LRRC55: variants seen among roughly 807,000 people sequenced by gnomAD.
LRRC55 encodes leucine rich repeat containing 55.
A neutral mutation model predicts 20.5 loss-of-function variants in LRRC55; 11 were observed. The observed-to-expected ratio is 0.54, with a 90% confidence interval of 0.34 to 0.89. LRRC55 has a LOEUF of 0.89. LRRC55 is among the 40% of genes least tolerant of loss of function. LRRC55 has a pLI of 0.02. For missense variants in LRRC55, 358 were observed against 390.9 expected, an observed-to-expected ratio of 0.92 and a Z score of 0.71; for synonymous variants, 188 against 166.6, an observed-to-expected ratio of 1.13 and a Z score of -0.99.
Position 57,188,980 on chromosome 11 carries a change from T to C in LRRC55, c.*1500T>C, listed in dbSNP as rs1387347306. On this transcript the variant is annotated 3_prime_UTR_variant, in exon 2 of 2. Coordinates refer to ENST00000497933, the MANE Select transcript of LRRC55 (RefSeq NM_001005210.4). ...GGTAGGCAGCTCCATTCAGGGAAAC[T>C]GCATCTAATCAGTCAGTCAAAAATC... The C allele has an allele frequency of 6.6e-6, 1 of 152,248 alleles. No homozygotes were observed. Among genetic ancestry groups the C allele is most frequent in the Non-Finnish European group, 1.5e-5 (1 of 68,048 alleles). The allele number at this position is 152,248 out of a possible 1,614,324, so 9.4% of individuals were successfully genotyped here. A position where few individuals can be genotyped will look rare whatever the true frequency, so the allele number is the denominator to read the frequency against.
chr11:57,184,681 T>C (rs1369297644), intron 1 of LRRC55, among the ~76,000 whole-genome samples: 1 of 152,160 alleles, frequency 6.6e-6, no homozygotes, highest in East Asian at 1.9e-4. Context: ...CCATGGTTTT[T>C]GGAAAAATTG....
Position 57,187,696 on chromosome 11 carries a change from C to A in LRRC55, c.*216C>A. Reference sequence around the variant, plus strand: ...GATGAACTGACTCAGTCCCTGCCCTCAAGGCACTTCCCTCTGGTCAAGGAG... The same window carrying A: ...GATGAACTGACTCAGTCCCTGCCCTAAAGGCACTTCCCTCTGGTCAAGGAG... On this transcript the variant is annotated 3_prime_UTR_variant, in exon 2 of 2. Transcript: ENST00000497933. 1 of 612,248 alleles carries A rather than the reference C, an allele frequency of 1.6e-6. No homozygotes were observed. Among genetic ancestry groups the A allele is most frequent in the Non-Finnish European group, 2.9e-6 (1 of 346,304 alleles). 37.9% of individuals were successfully genotyped at this position (612,248 alleles called of 1,614,324 possible). A position where few individuals can be genotyped will look rare whatever the true frequency, so the allele number is the denominator to read the frequency against.
rs1854492626 is a variant in LRRC55 at position 57,190,371 on chromosome 11, A to G, written c.*2891A>G. ...CCTGCTGCTAGAAGTTCCTCAGTTT[A>G]CTAGAGCACAATGAGGAAAGTATTC... On this transcript the variant is annotated 3_prime_UTR_variant, in exon 2 of 2. Transcript: ENST00000497933. The G allele has an allele frequency of 6.6e-6, 1 of 152,204 alleles. No homozygotes were observed. Among genetic ancestry groups the G allele is most frequent in the South Asian group, 2.1e-4 (1 of 4,830 alleles). The allele number at this position is 152,204 out of a possible 1,614,324, so 9.4% of individuals were successfully genotyped here.
rs1854502750 is a variant in LRRC55 at position 57,191,018 on chromosome 11, G to C, written c.*3538G>C. The C allele has an allele frequency of 6.6e-6, 1 of 152,144 alleles. No individual in the cohort carries two copies. The highest frequency in any genetic ancestry group is 1.5e-5 in the Non-Finnish European group (1 of 68,026). The allele number at this position is 152,144 out of a possible 1,614,324, so 9.4% of individuals were successfully genotyped here. ...AAGCTTCCTCCATGCTAGGCCAGAG[G>C]ATATCAAAGTTTAGTTTGGTCAAGA... On this transcript the variant is annotated 3_prime_UTR_variant, in exon 2 of 2. Transcript: ENST00000497933.
Position 57,183,051 on chromosome 11 carries a change from C to T in LRRC55, c.661+368C>T, listed in dbSNP as rs2135332230. On this transcript the variant is annotated intron_variant, in intron 1 of 1. Coordinates refer to ENST00000497933, the MANE Select transcript of LRRC55 (RefSeq NM_001005210.4). The stretch of plus-strand genomic sequence containing the variant: ...TCATGAGACCCCCATTTTTATTATA[C>T]CCATTTTCCAGGTGAAGAAACTGAG... Among the ~76,000 whole-genome samples the T allele has an allele frequency of 2.0e-5, 3 of 152,186 alleles. No homozygotes were observed. The Middle Eastern group carries it at 0.01, about 518-fold the overall frequency.
chr11:57,182,829 G>A (rs1854381192), intron 1 of LRRC55, 146 bp downstream of exon 1: 5 of 797,660 alleles, frequency 6.3e-6, no homozygotes, highest in South Asian at 4.0e-5. Flanking sequence ...CACCAGCTCG[G>A]CCAACAGGTT....
chr11:57,187,371 T>C lies in LRRC55; in HGVS notation c.788T>C (p.Phe263Ser), dbSNP rs1156331478. ...LTLDDYLFIA[F>S]VGFVVSIASV... ...CTGGATGATTACCTATTCATTGCGT[T>C]CGTGGGCTTCGTGGTCTCCATTGCT... is the stretch of plus-strand genomic sequence containing the variant. The change falls in exon 2 of 2, where the codon TTC (phenylalanine) becomes TCC (serine). Residue 263 changes from phenylalanine to serine, a missense_variant. By Grantham distance (155) the Phe-to-Ser change is radical. This residue lies in a region of LRRC55 where 178 missense variants were observed against 207.9 expected (regional missense o/e 0.86). Coordinates refer to ENST00000497933, the MANE Select transcript of LRRC55 (RefSeq NM_001005210.4). 1.2e-6 allele frequency: 2 copies of C among 1,614,212 alleles called. No homozygotes were observed. Among genetic ancestry groups the C allele is most frequent in the African/African-American group, 1.3e-5 (1 of 75,058 alleles).
At chr11:57,184,730 G>A (rs1027711321) in intron 1 of LRRC55, among the ~76,000 whole-genome samples, 1 of 152,222 alleles carries the variant, frequency 6.6e-6, no homozygotes, top group Non-Finnish European at 1.5e-5. Context: ...CTGGGATACA[G>A]CATGACTTTA....
Position 57,188,322 on chromosome 11 carries a change from G to T in LRRC55, c.*842G>T, listed in dbSNP as rs1311381520. 6.6e-6 allele frequency: 1 copy of T among 152,664 alleles called. No individual in the cohort carries two copies. The highest frequency in any genetic ancestry group is 1.5e-5 in the Non-Finnish European group (1 of 68,084). The allele number at this position is 152,664 out of a possible 1,614,324, so 9.5% of individuals were successfully genotyped here. On this transcript the variant is annotated 3_prime_UTR_variant, in exon 2 of 2. Coordinates refer to ENST00000497933, the MANE Select transcript of LRRC55 (RefSeq NM_001005210.4). ...CCTGGCACCTTGGGATCCTAATCAT[G>T]TGACTGTTCTTGCCACAGTGCTCAT...
intron 1 of LRRC55, among the ~76,000 whole-genome samples, chr11:57,185,554 G>A (rs2135334654): frequency 6.6e-6 from 1 of 151,688 alleles, no homozygotes; most frequent in South Asian, 2.1e-4. Flanking sequence ...CAAAATGCTG[G>A]GATTACAGGC....
chr11:57,187,101 T>C (rs1343045791), intron 1 of LRRC55, 144 bp from the exon 2 acceptor site: 1 of 745,546 alleles, frequency 1.3e-6, no homozygotes, highest in Admixed American at 2.3e-5. Flanking sequence ...TTGAGGGAAC[T>C]AAAGGAGTTA....
chr11:57,187,282 C>G lies in LRRC55; in HGVS notation c.699C>G (p.Val233=). ...QLAECRGPPE[V]EGAPLFSLTE... ...CTGAGTGCCGGGGCCCTCCTGAAGT[C>G]GAGGGCGCCCCGCTCTTCTCACTCA... The change falls in exon 2 of 2, where the codon GTC becomes GTG. Residue 233 remains valine, a synonymous_variant. Coordinates refer to ENST00000497933, the MANE Select transcript of LRRC55 (RefSeq NM_001005210.4). 1 of 1,613,970 alleles carries G rather than the reference C, an allele frequency of 6.2e-7. No homozygotes were observed.
In LRRC55 at chr11:57,189,284, T is replaced by G. The variant is rs1284844283; in HGVS notation, c.*1804T>G. On this transcript the variant is annotated 3_prime_UTR_variant, in exon 2 of 2. Coordinates refer to ENST00000497933, the MANE Select transcript of LRRC55 (RefSeq NM_001005210.4). ...ACACAGTTCTCTTTCCAGTGCTTTC[T>G]CAAGTGCTTGGGGAAGAGAATGCCT... The G allele has an allele frequency of 1.3e-5, 2 of 152,240 alleles. No homozygotes were observed. Among genetic ancestry groups the G allele is most frequent in the Non-Finnish European group, 2.9e-5 (2 of 68,058 alleles). 9.4% of individuals were successfully genotyped at this position (152,240 alleles called of 1,614,324 possible). A position where few individuals can be genotyped will look rare whatever the true frequency, so the allele number is the denominator to read the frequency against.
At chr11:57,187,121 C>A in intron 1 of LRRC55, 124 bp from the exon 2 acceptor site, 2 of 851,552 alleles carry the variant, frequency 2.3e-6, no homozygotes, top group Non-Finnish European at 3.9e-6. Context: ...AAGTAGAATT[C>A]TTGGCACATG....
rs371603212 is a variant in LRRC55, at chr11:57,187,515, G to A, written c.*35G>A. 64 of 1,572,116 alleles carry A rather than the reference G, an allele frequency of 4.1e-5. No individual in the cohort carries two copies. The highest frequency in any genetic ancestry group is 3.4e-4 in the South Asian group (30 of 89,044). ...CTCTCATCCCTCCATGCTGCTGACCGCCACAGCTGCTGGCCACCAGACGCC... is the reference window on the plus strand; with the variant it reads ...CTCTCATCCCTCCATGCTGCTGACCACCACAGCTGCTGGCCACCAGACGCC... On this transcript the variant is annotated 3_prime_UTR_variant, in exon 2 of 2. Coordinates refer to ENST00000497933, the MANE Select transcript of LRRC55 (RefSeq NM_001005210.4).
rs991663039 is a variant in LRRC55, at chr11:57,187,485, C to G, written c.*5C>G. On this transcript the variant is annotated 3_prime_UTR_variant, in exon 2 of 2. Transcript: ENST00000497933. ...AGTGAAGAGGAAGAGATCTGACATGCCTGCCTCTCATCCCTCCATGCTGCT... is the reference window on the plus strand; with the variant it reads ...AGTGAAGAGGAAGAGATCTGACATGGCTGCCTCTCATCCCTCCATGCTGCT... 2.5e-6 allele frequency: 4 copies of G among 1,611,364 alleles called. No individual in the cohort carries two copies. Among genetic ancestry groups the G allele is most frequent in the Non-Finnish European group, 2.5e-6 (3 of 1,178,544 alleles).
chr11:57,185,012 C>T (rs1223558749), intron 1 of LRRC55, among the ~76,000 whole-genome samples: 2 of 152,168 alleles, frequency 1.3e-5, no homozygotes, highest in African/African-American at 4.8e-5. Flanking sequence ...TGCTCACAGC[C>T]TACAGGAATT....
In LRRC55 at chr11:57,188,472, G is replaced by A. The variant is rs1854464408; in HGVS notation, c.*992G>A. On this transcript the variant is annotated 3_prime_UTR_variant, in exon 2 of 2. Transcript: ENST00000497933. ...TATGAGGCTTTGCATTTTCTTCTAA[G>A]CAACTTACCCACGTTAAGCATGAGG... The A allele has an allele frequency of 6.6e-6, 1 of 152,280 alleles. No individual in the cohort carries two copies. Among genetic ancestry groups the A allele is most frequent in the Admixed American group, 6.6e-5 (1 of 15,266 alleles). The allele number at this position is 152,280 out of a possible 1,614,324, so 9.4% of individuals were successfully genotyped here. A position where few individuals can be genotyped will look rare whatever the true frequency, so the allele number is the denominator to read the frequency against.
At chr11:57,184,389 A>T (rs112248149) in intron 1 of LRRC55, among the ~76,000 whole-genome samples, 59 of 152,294 alleles carry the variant, frequency 3.9e-4, no homozygotes, top group African/African-American at 1.3e-3. Flanking sequence ...CCAAGATTTC[A>T]TCAGTGTAGG....
Sources: allele counts gnomAD v4.1 joint callset (sites outside exome capture counted in the v4.1 genomes callset), GRCh38; gene constraint gnomAD v4.1.1; regional missense constraint gnomAD v4.1.1; transcripts MANE v1.5; gene names NCBI Gene and HGNC (gene_info 2026-07-23, HGNC 2026-07-21).